SEC24D: variants seen among roughly 807,000 people sequenced by gnomAD.
The protein encoded by SEC24D is SEC24 homolog D, COPII component.
A neutral mutation model predicts 116.9 loss-of-function variants in SEC24D; 69 were observed. That is an observed-to-expected ratio of 0.59 (90% CI 0.49 to 0.72). SEC24D has a LOEUF of 0.72. Among genes scored for constraint, SEC24D ranks in the 30% least tolerant of loss-of-function variants. The pLI, the probability that SEC24D is intolerant of heterozygous loss-of-function variation, is 0.00. For missense variants in SEC24D, 1,131 were observed against 1,264.1 expected, an observed-to-expected ratio of 0.89 and a Z score of 1.60; for synonymous variants, 405 against 442.8, an observed-to-expected ratio of 0.91 and a Z score of 1.07.
intron 8 of SEC24D, among the ~76,000 whole-genome samples, chr4:118,783,254 C>G (rs537525073): frequency 6.6e-6 from 1 of 152,318 alleles, no homozygotes; most frequent in East Asian, 1.9e-4. Flanking sequence ...CCCTGAGGGT[C>G]TGAATTTAAA....
chr4:118,743,755 ATT>A (rs1726352254), intron 15 of SEC24D, among the ~76,000 whole-genome samples: 1 of 152,194 alleles, frequency 6.6e-6, no homozygotes, highest in Non-Finnish European at 1.5e-5. Flanking sequence ...GTCTGTACAT[ATT>A]CAGTATAATG....
chr4:118,822,010 T>A (rs1457272612), intron 3 of SEC24D, among the ~76,000 whole-genome samples: 1 of 152,210 alleles, frequency 6.6e-6, no homozygotes, highest in Non-Finnish European at 1.5e-5. Context: ...AAAAGCAGAT[T>A]CTTTAAGCTA....
At chr4:118,824,909 T>C (rs1419278908) in intron 2 of SEC24D, among the ~76,000 whole-genome samples, 160 bp from the exon 3 acceptor site, 2 of 152,152 alleles carry the variant, frequency 1.3e-5, no homozygotes, top group African/African-American at 4.8e-5. Flanking sequence ...GACCTGTCAA[T>C]ACCAGGCTCT....
chr4:118,776,973 C>CAG (rs1728163757), intron 8 of SEC24D, among the ~76,000 whole-genome samples: 1 of 152,078 alleles, frequency 6.6e-6, no homozygotes, highest in African/African-American at 2.4e-5. Flanking sequence ...ATAATAAGCC[C>CAG]AGAGGCAAAC....
At position 118,723,688 on chromosome 4, in the gene SEC24D, CT is replaced by C. The variant is rs1256456083; in HGVS notation, c.2959-34del. On this transcript the variant is annotated intron_variant, in intron 22 of 22. Coordinates refer to ENST00000280551, the MANE Select transcript of SEC24D (RefSeq NM_014822.4). ...AAAAAAAACAAAACAGTAACAGCCC[CT>C]GGTTATAAACATTATTTGAAAATGG... 3 of 1,587,222 alleles carry C rather than the reference CT, an allele frequency of 1.9e-6. No homozygotes were observed. The African/African-American group carries it at 4.1e-5, about 22-fold the overall frequency.
At chr4:118,762,596 T>TA (rs1206070499) in intron 10 of SEC24D, among the ~76,000 whole-genome samples, 2 of 152,214 alleles carry the variant, frequency 1.3e-5, no homozygotes, top group Non-Finnish European at 2.9e-5. Context: ...GTGCATGGTG[T>TA]AAAAAATACA....
At chr4:118,774,219 G>A (rs1728036487) in intron 8 of SEC24D, among the ~76,000 whole-genome samples, 1 of 151,978 alleles carries the variant, frequency 6.6e-6, no homozygotes, top group Admixed American at 6.6e-5. Flanking sequence ...TACTATCAGA[G>A]AGTCTATTTG....
At chr4:118,801,679 A>G (rs2110510100) in intron 7 of SEC24D, among the ~76,000 whole-genome samples, 1 of 152,322 alleles carries the variant, frequency 6.6e-6, no homozygotes, top group South Asian at 2.1e-4. Context: ...GAAGCTGGAT[A>G]TTTGTTACCT....
chr4:118,768,908 T>C (rs1228279414), intron 8 of SEC24D, among the ~76,000 whole-genome samples: 1 of 152,248 alleles, frequency 6.6e-6, no homozygotes, highest in East Asian at 1.9e-4. Context: ...AGAGAGAACA[T>C]ATAGTGATGG....
intron 22 of SEC24D, among the ~76,000 whole-genome samples, chr4:118,728,114 T>G (rs538708580): frequency 6.6e-6 from 1 of 152,258 alleles, no homozygotes; most frequent in African/African-American, 2.4e-5. Flanking sequence ...ATATTAAAAT[T>G]TTTTACTCAA....
intron 2 of SEC24D, among the ~76,000 whole-genome samples, chr4:118,831,875 T>C (rs1730874675): frequency 6.6e-6 from 1 of 152,046 alleles, no homozygotes; most frequent in Non-Finnish European, 1.5e-5. Flanking sequence ...TTAAGAGTCA[T>C]GTAGAAGAAT....
At chr4:118,761,978 C>T (rs11736024) in intron 10 of SEC24D, among the ~76,000 whole-genome samples, 46,162 of 151,944 alleles carry the variant, frequency 0.3, 8,276 homozygotes, top group East Asian at 0.45. Context: ...ACCTTGAGAG[C>T]AGGTTTATTA....
intron 8 of SEC24D, among the ~76,000 whole-genome samples, chr4:118,793,483 A>G (rs1010507303): frequency 2.6e-5 from 4 of 150,978 alleles, no homozygotes; most frequent in Admixed American, 2.6e-4. Flanking sequence ...AAAAAAAAAA[A>G]AAAAAAAAAG....
chr4:118,828,850 A>G (rs1190334102), intron 2 of SEC24D, among the ~76,000 whole-genome samples: 1 of 152,140 alleles, frequency 6.6e-6, no homozygotes, highest in Non-Finnish European at 1.5e-5. Context: ...ATGATCCCAC[A>G]TTCCCCCGCC....
At chr4:118,781,154 C>T (rs1325334403) in intron 8 of SEC24D, among the ~76,000 whole-genome samples, 2 of 151,866 alleles carry the variant, frequency 1.3e-5, no homozygotes, top group Non-Finnish European at 2.9e-5. Context: ...TTATTTTGCC[C>T]GTTAGTTGAT....
At chr4:118,776,429 G>A (rs1008111406) in intron 8 of SEC24D, among the ~76,000 whole-genome samples, 1 of 152,106 alleles carries the variant, frequency 6.6e-6, no homozygotes, top group African/African-American at 2.4e-5. Flanking sequence ...CCTGGTGAGA[G>A]GGTATCTTTA....
At chr4:118,819,616 T>C (rs774533718) in intron 3 of SEC24D, among the ~76,000 whole-genome samples, 50 of 150,816 alleles carry the variant, frequency 3.3e-4, no homozygotes, top group Non-Finnish European at 5.3e-4. Context: ...TACTATAGAA[T>C]ATATTCATGG....
intron 7 of SEC24D, among the ~76,000 whole-genome samples, chr4:118,804,717 C>T (rs972819240): frequency 6.6e-6 from 1 of 151,918 alleles, no homozygotes; most frequent in African/African-American, 2.4e-5. Flanking sequence ...TATTTTTACA[C>T]TTGATCTTAG....
intron 6 of SEC24D, among the ~76,000 whole-genome samples, chr4:118,814,482 T>C (rs1730053684): frequency 6.6e-6 from 1 of 152,226 alleles, no homozygotes; most frequent in African/African-American, 2.4e-5. Flanking sequence ...TTGGGGATTG[T>C]TTGCTATGCA....
Sources: gnomAD v4.1 joint callset for allele counts (sites outside exome capture counted in the v4.1 genomes callset) on GRCh38, gnomAD v4.1.1 for gene constraint, MANE v1.5 for transcripts, NCBI Gene and HGNC (gene_info 2026-07-23, HGNC 2026-07-21) for gene names.